LAMA4: variants seen among roughly 807,000 people sequenced by gnomAD.
The protein encoded by LAMA4 is laminin subunit alpha-4.
LAMA4 carries 127 observed loss-of-function variants against 207.1 expected under a neutral mutation model. The ratio of observed to expected loss-of-function variants is 0.61; its 90% CI spans 0.53 to 0.71. The LOEUF (loss-of-function observed/expected upper bound fraction) is 0.71, where lower values mean the gene tolerates loss of function less well. Among genes scored for constraint, LAMA4 ranks in the 30% least tolerant of loss-of-function variants. The probability of loss-of-function intolerance (pLI) is 0.00; values close to 1 mark genes in which losing one functional copy is unlikely to be tolerated. For synonymous variants in LAMA4, 761 were observed against 816.0 expected, an observed-to-expected ratio of 0.93 and a Z score of 1.15; for missense variants, 2,093 against 2,246.5, an observed-to-expected ratio of 0.93 and a Z score of 1.38.
At chr6:112,125,546 T>C (rs1778640573) in intron 31 of LAMA4, among the ~76,000 whole-genome samples, 1 of 152,226 alleles carries the variant, frequency 6.6e-6, no homozygotes, top group Admixed American at 6.5e-5. Context: ...TGAGAAACTT[T>C]TCCCAGTTAA....
At chr6:112,206,337 T>C (rs1439491896) in intron 4 of LAMA4, among the ~76,000 whole-genome samples, 1 of 152,210 alleles carries the variant, frequency 6.6e-6, no homozygotes, top group East Asian at 1.9e-4. Context: ...GGACACCCAG[T>C]TGGTGTCAGA....
Position 112,180,882 on chromosome 6 carries a change from C to T in LAMA4, c.1078-2650G>A, listed in dbSNP as rs1562701852. Among the ~76,000 whole-genome samples, 4 of 152,354 alleles carry T rather than the reference C, an allele frequency of 2.6e-5. No homozygotes were observed. In the Middle Eastern group the frequency reaches 0.01, roughly 389 times the overall value. On this transcript the variant is annotated intron_variant, in intron 9 of 38. Transcript: ENST00000230538. ...TATCTACTTCTGCCTACCTCCTAAA[C>T]ATTAATGACCCTAAATTCCTTTCCA...
intron 2 of LAMA4, among the ~76,000 whole-genome samples, chr6:112,226,549 A>G (rs1215976448): frequency 1.3e-5 from 2 of 152,206 alleles, no homozygotes; most frequent in Non-Finnish European, 2.9e-5. Flanking sequence ...CACACGGAAC[A>G]TGACATTATA....
intron 16 of LAMA4, among the ~76,000 whole-genome samples, chr6:112,152,532 T>C (rs1780461139): frequency 6.6e-6 from 1 of 152,156 alleles, no homozygotes; most frequent in Non-Finnish European, 1.5e-5. Context: ...TTTCTGTTTG[T>C]GCTTTAATTC....
chr6:112,167,611 T>C (rs928020818), intron 12 of LAMA4, among the ~76,000 whole-genome samples: 1 of 152,136 alleles, frequency 6.6e-6, no homozygotes, highest in Non-Finnish European at 1.5e-5. Flanking sequence ...AATTTAGAAG[T>C]CCAAGTTAAT....
intron 32 of LAMA4, among the ~76,000 whole-genome samples, chr6:112,121,183 C>A (rs587691646): frequency 6.6e-6 from 1 of 152,198 alleles, no homozygotes; most frequent in African/African-American, 2.4e-5. Flanking sequence ...TGTGCACTAT[C>A]TAAAACACAG....
At chr6:112,180,209 T>C (rs1449340292) in intron 9 of LAMA4, among the ~76,000 whole-genome samples, 1 of 152,196 alleles carries the variant, frequency 6.6e-6, no homozygotes, top group Admixed American at 6.5e-5. Context: ...TTTTTTGATA[T>C]GGAAACTTCA....
chr6:112,119,055 G>T, intron 34 of LAMA4, 101 bp downstream of exon 34: 1 of 1,187,468 alleles, frequency 8.4e-7, no homozygotes. Flanking sequence ...CAGTTTTACT[G>T]GTGCTAGTTT....
At chr6:112,219,163 A>C (rs1644908447) in intron 2 of LAMA4, 1 of 152,228 alleles carries the variant, frequency 6.6e-6, no homozygotes, top group African/African-American at 2.4e-5. Flanking sequence ...AGGACCTGGC[A>C]AAATTGGCCT....
chr6:112,224,179 A>C (rs1200252419), intron 2 of LAMA4, among the ~76,000 whole-genome samples: 1 of 152,204 alleles, frequency 6.6e-6, no homozygotes, highest in African/African-American at 2.4e-5. Flanking sequence ...CCTGTGTTGG[A>C]TGAGCCTTGA....
intron 31 of LAMA4, 37 bp downstream of exon 31, chr6:112,128,885 A>T: frequency 1.9e-6 from 3 of 1,587,536 alleles, no homozygotes; most frequent in Non-Finnish European, 2.6e-6. Context: ...ATGGAAAATG[A>T]TGACAATTAG....
At chr6:112,159,321 A>T (rs12190655) in intron 13 of LAMA4, 47,754 of 161,606 alleles carry the variant, frequency 0.3, 6,589 homozygotes, top group East Asian at 0.35. Flanking sequence ...ACTCTACCAA[A>T]AGAGAAGTTA....
intron 15 of LAMA4, chr6:112,155,318 A>C: frequency 1.8e-6 from 1 of 568,726 alleles, no homozygotes; most frequent in Admixed American, 3.1e-5. Flanking sequence ...TTTTTTTTTC[A>C]GGGACTTTGG....
intron 19 of LAMA4, 65 bp from the exon 20 acceptor site, chr6:112,142,357 T>A (rs782809131): frequency 6.1e-6 from 9 of 1,468,176 alleles, no homozygotes; most frequent in Non-Finnish European, 8.6e-6. Flanking sequence ...TTTCCCGTGC[T>A]TCCCTCATTC....
In LAMA4 at chr6:112,232,903, T is replaced by G. The variant is rs190488335; in HGVS notation, c.196-16434A>C. On this transcript the variant is annotated intron_variant, in intron 2 of 38. Coordinates refer to ENST00000230538, the MANE Select transcript of LAMA4 (RefSeq NM_001105206.3). The stretch of plus-strand genomic sequence containing the variant: ...AATTGTGCTGATTTTAAAACAATAC[T>G]TTCATTACAGATGTTTCCAGACCCC... Among the ~76,000 whole-genome samples, 55 of 152,344 alleles carry G rather than the reference T, an allele frequency of 3.6e-4. 1 individual carries two copies. Among genetic ancestry groups the G allele is most frequent in the African/African-American group, 1.3e-3 (52 of 41,582 alleles).
intron 9 of LAMA4, chr6:112,179,550 C>A (rs942505090): frequency 6.6e-6 from 1 of 152,524 alleles, no homozygotes; most frequent in Non-Finnish European, 1.5e-5. Flanking sequence ...CCACACAGAG[C>A]GCTGGTAGAC....
chr6:112,241,283 T>A (rs1786495353), intron 2 of LAMA4, among the ~76,000 whole-genome samples: 1 of 149,914 alleles, frequency 6.7e-6, no homozygotes, highest in Admixed American at 6.7e-5. Flanking sequence ...CTGTTACTCC[T>A]CCTATGTTTA....
rs1200328385 is a variant in LAMA4, at chr6:112,214,187, A to C, written c.297+2181T>G. 6 of 445,334 alleles carry C rather than the reference A, an allele frequency of 1.3e-5. No individual in the cohort carries two copies. In the East Asian group the frequency reaches 2.0e-4, roughly 15 times the overall value. The allele number at this position is 445,334 out of a possible 1,614,324, so 27.6% of individuals were successfully genotyped here. A position where few individuals can be genotyped will look rare whatever the true frequency, so the allele number is the denominator to read the frequency against. On this transcript the variant is annotated intron_variant, in intron 3 of 38. Coordinates refer to ENST00000230538, the MANE Select transcript of LAMA4 (RefSeq NM_001105206.3). ...AAAAATTCTTTTTATATTCATGTGC[A>C]AGCATTTTCTGCCCCTTCACTTACA...
rs1778856685 is a variant in LAMA4 at position 112,128,886 on chromosome 6, T to A, written c.4287+36A>T. ...CTAGAACTGTGTGCATGGAAAATGA[T>A]GACAATTAGGAAGTCAGAACGGCAT... On this transcript the variant is annotated intron_variant, in intron 31 of 38. Coordinates refer to ENST00000230538, the MANE Select transcript of LAMA4 (RefSeq NM_001105206.3). 1.9e-6 allele frequency: 3 copies of A among 1,590,682 alleles called. No homozygotes were observed. In the South Asian group the frequency reaches 3.3e-5, roughly 18 times the overall value.
Sources: allele counts gnomAD v4.1 joint callset (sites outside exome capture counted in the v4.1 genomes callset), GRCh38; gene constraint gnomAD v4.1.1; transcripts MANE v1.5; gene names NCBI Gene and HGNC (gene_info 2026-07-23, HGNC 2026-07-21).